GPHN: variants seen among roughly 807,000 people sequenced by gnomAD.
GPHN encodes the protein gephyrin.
GPHN carries 17 observed loss-of-function variants against 95.5 expected under a neutral mutation model. The ratio of observed to expected loss-of-function variants is 0.18; its 90% CI spans 0.12 to 0.27. The LOEUF is 0.27. Ranked by LOEUF, GPHN falls within the 10% of genes least tolerant of loss-of-function variation. The pLI, the probability that GPHN is intolerant of heterozygous loss-of-function variation, is 1.00. For synonymous variants in GPHN, 320 were observed against 322.5 expected, an observed-to-expected ratio of 0.99 and a Z score of 0.08; for missense variants, 660 against 978.1, an observed-to-expected ratio of 0.67 and a Z score of 4.34.
intron 2 of GPHN, among the ~76,000 whole-genome samples, chr14:66,702,680 C>A (rs1241040923): frequency 1.3e-5 from 2 of 152,160 alleles, no homozygotes; most frequent in South Asian, 2.1e-4. Context: ...TGAAATTAGA[C>A]AAACTCATGA....
chr14:66,705,217 G>C (rs113724463), intron 2 of GPHN, among the ~76,000 whole-genome samples: 75 of 152,362 alleles, frequency 4.9e-4, no homozygotes, highest in African/African-American at 1.5e-3. Flanking sequence ...TGAATTCACA[G>C]TGGAATTCTA....
At chr14:66,731,076 G>A (rs2071724834) in intron 2 of GPHN, among the ~76,000 whole-genome samples, 1 of 152,188 alleles carries the variant, frequency 6.6e-6, no homozygotes, top group Non-Finnish European at 1.5e-5. Flanking sequence ...AGACATGCCA[G>A]CTTCCCCTTC....
chr14:66,762,204 C>A (rs2058784540), intron 2 of GPHN, among the ~76,000 whole-genome samples: 1 of 150,834 alleles, frequency 6.6e-6, no homozygotes, highest in African/African-American at 2.4e-5. Context: ...CTAAATAAAA[C>A]TGCAAATAAG....
chr14:67,019,207 T>A (rs552840282), intron 9 of GPHN, among the ~76,000 whole-genome samples: 22 of 152,356 alleles, frequency 1.4e-4, no homozygotes, highest in Non-Finnish European at 2.9e-4. Context: ...TTTTTGTTGT[T>A]TGCTTTTTTA....
chr14:66,628,823 G>C (rs1053676003), intron 1 of GPHN, among the ~76,000 whole-genome samples: 1 of 151,638 alleles, frequency 6.6e-6, no homozygotes, highest in African/African-American at 2.4e-5. Flanking sequence ...GCTTTGGGAG[G>C]GTGAAGCAGG....
At chr14:67,182,793 G>A (rs1309492210), downstream of GPHN, among the ~76,000 whole-genome samples, 1 of 150,980 alleles carries the variant, frequency 6.6e-6, no homozygotes, top group Non-Finnish European at 1.5e-5. Context: ...TTAAGGGTTG[G>A]AAGAATTCAG....
At chr14:67,001,329 A>G (rs1299312497) in intron 9 of GPHN, among the ~76,000 whole-genome samples, 2 of 151,548 alleles carry the variant, frequency 1.3e-5, no homozygotes, top group Non-Finnish European at 3.0e-5. Flanking sequence ...ACATATAGCT[A>G]GTTAGAGCCC....
chr14:67,325,579 G>A, the GPHN span, among the ~76,000 whole-genome samples: 1 of 152,108 alleles, frequency 6.6e-6, no homozygotes, highest in East Asian at 1.9e-4. Flanking sequence ...GATTAATACT[G>A]TGTAAAATTT....
chr14:67,703,829 C>G, the GPHN span, among the ~76,000 whole-genome samples: 2 of 152,042 alleles, frequency 1.3e-5, no homozygotes, highest in African/African-American at 4.8e-5. Context: ...GTGCATACCA[C>G]CGTGCCTGGC....
intron 21 of GPHN, among the ~76,000 whole-genome samples, chr14:67,175,246 A>AT: frequency 6.6e-6 from 1 of 152,276 alleles, no homozygotes; most frequent in Middle Eastern, 3.4e-3. Context: ...TCTTGAATTA[A>AT]TTTTTGTATA....
At chr14:67,729,377 T>G in the GPHN span, 1 of 1,597,404 alleles carries the variant, frequency 6.3e-7, no homozygotes, top group Non-Finnish European at 8.5e-7. Context: ...GGCAAGTACT[T>G]CAGGTGTGTG....
chr14:67,272,585 T>C, the GPHN span, among the ~76,000 whole-genome samples: 38 of 152,184 alleles, frequency 2.5e-4, no homozygotes, highest in Non-Finnish European at 4.6e-4. Context: ...TCCTCCTCCT[T>C]TACCTCTTTC....
intron 1 of GPHN, among the ~76,000 whole-genome samples, chr14:66,586,900 G>A (rs2061444020): frequency 1.3e-5 from 2 of 151,898 alleles, no homozygotes; most frequent in East Asian, 1.9e-4. Context: ...AAAAACAAAG[G>A]TCAGAACAGA....
At chr14:67,416,990 T>C in the GPHN span, among the ~76,000 whole-genome samples, 1 of 152,248 alleles carries the variant, frequency 6.6e-6, no homozygotes, top group Non-Finnish European at 1.5e-5. Flanking sequence ...AACTGGTCTA[T>C]ATTCTGTTCA....
chr14:66,911,676 AT>A (rs1373447944), intron 5 of GPHN, among the ~76,000 whole-genome samples: 1 of 151,876 alleles, frequency 6.6e-6, no homozygotes, highest in African/African-American at 2.4e-5. Flanking sequence ...AAGAGAAGCA[AT>A]ATTTTTCATA....
chr14:67,569,255 AGGTGGGCAG>A, the GPHN span: 1 of 1,474,544 alleles, frequency 6.8e-7, no homozygotes, highest in Non-Finnish European at 9.5e-7. Context: ...CAAACACCCA[AGGTGGGCAG>A]GGTGGGCAAG....
Position 67,168,916 on chromosome 14 carries a change from G to A in GPHN, c.1976-17G>A. On this transcript the variant is annotated splice_polypyrimidine_tract_variant and intron_variant, in intron 20 of 22. Coordinates refer to ENST00000478722, the MANE Select transcript of GPHN (RefSeq NM_020806.5). ...GTTACACAGTGTATTATAAATAACTGCTTGGTTGACTTTCAGGGAATCCTG... is the reference window on the plus strand; with the variant it reads ...GTTACACAGTGTATTATAAATAACTACTTGGTTGACTTTCAGGGAATCCTG... 6.6e-7 allele frequency: 1 copy of A among 1,506,998 alleles called. No homozygotes were observed. Among genetic ancestry groups the A allele is most frequent in the Non-Finnish European group, 9.2e-7 (1 of 1,081,936 alleles). The allele number at this position is 1,506,998 out of a possible 1,614,324, so 93.4% of individuals were successfully genotyped here.
At chr14:67,018,830 A>C in intron 9 of GPHN, among the ~76,000 whole-genome samples, 1 of 152,094 alleles carries the variant, frequency 6.6e-6, no homozygotes, top group South Asian at 2.1e-4. Flanking sequence ...CACAATCTTT[A>C]TTTTTTTTCT....
At chr14:66,808,656 G>A (rs1462359984) in intron 3 of GPHN, among the ~76,000 whole-genome samples, 2 of 152,172 alleles carry the variant, frequency 1.3e-5, no homozygotes, top group African/African-American at 4.8e-5. Context: ...AATTAGCCGT[G>A]CGTGGTGGCC....
Sources: gnomAD v4.1 joint callset for allele counts (sites outside exome capture counted in the v4.1 genomes callset) on GRCh38, gnomAD v4.1.1 for gene constraint, MANE v1.5 for transcripts, NCBI Gene and HGNC (gene_info 2026-07-23, HGNC 2026-07-21) for gene names.